The following CDK14 variants were observed in gnomAD, a reference collection of about 807,000 sequenced individuals.
CDK14 encodes cyclin-dependent kinase 14.
A neutral mutation model predicts 60.7 loss-of-function variants in CDK14; 34 were observed. The observed-to-expected ratio is 0.56, with a 90% confidence interval of 0.43 to 0.75. CDK14 has a LOEUF of 0.75. Among genes scored for constraint, CDK14 ranks in the 30% least tolerant of loss-of-function variants. The pLI is 0.00. For missense variants in CDK14, 482 were observed against 564.1 expected, an observed-to-expected ratio of 0.85 and a Z score of 1.47; for synonymous variants, 197 against 203.7, an observed-to-expected ratio of 0.97 and a Z score of 0.28.
At chr7:91,059,729 G>T (rs919669663) in intron 11 of CDK14, among the ~76,000 whole-genome samples, 35 of 146,916 alleles carry the variant, frequency 2.4e-4, no homozygotes, top group African/African-American at 4.6e-4. Flanking sequence ...GTGAGTTTCT[G>T]AATCCTGAGT....
At chr7:90,842,047 TAAC>T (rs1429396723) in intron 5 of CDK14, among the ~76,000 whole-genome samples, 2 of 152,154 alleles carry the variant, frequency 1.3e-5, no homozygotes, top group South Asian at 2.1e-4. Context: ...AACAGAGCAA[TAAC>T]AGCCCCTGCA....
At chr7:91,137,793 A>G (rs1295609795) in intron 14 of CDK14, among the ~76,000 whole-genome samples, 2 of 152,004 alleles carry the variant, frequency 1.3e-5, no homozygotes, top group East Asian at 3.9e-4. Context: ...GTTTTAGAGT[A>G]AGAGTCTTTT....
chr7:90,947,804 A>G (rs1794143576), intron 8 of CDK14, among the ~76,000 whole-genome samples: 1 of 152,192 alleles, frequency 6.6e-6, no homozygotes. Flanking sequence ...TAAAAACTAA[A>G]GAAATTAACA....
intron 14 of CDK14, among the ~76,000 whole-genome samples, chr7:91,166,757 G>A (rs1801358750): frequency 6.6e-6 from 1 of 152,092 alleles, no homozygotes; most frequent in Non-Finnish European, 1.5e-5. Context: ...CAGTTCTTCT[G>A]ACTAGTCCCA....
At position 90,618,226 on chromosome 7, in the gene CDK14, T is replaced by C. The variant is rs548901303; in HGVS notation, c.123+13977T>C. On this transcript the variant is annotated intron_variant, in intron 2 of 14. Transcript: ENST00000380050. Reference sequence around the variant, plus strand: ...TTTTAATATTTACATCTTAGAAAGATGAAGACTTTAGGTGGGTATAGGGAG... The same window carrying C: ...TTTTAATATTTACATCTTAGAAAGACGAAGACTTTAGGTGGGTATAGGGAG... Among the ~76,000 whole-genome samples, 6 of 152,334 alleles carry C rather than the reference T, an allele frequency of 3.9e-5. No homozygotes were observed. The South Asian group carries it at 1.0e-3, about 26-fold the overall frequency.
In CDK14 at chr7:90,878,653, A is replaced by G. The variant is rs181870212; in HGVS notation, c.639+15384A>G. 2.2e-4 allele frequency among the ~76,000 whole-genome samples: 33 copies of G among 152,244 alleles called. No individual in the cohort carries two copies. In the East Asian group the frequency reaches 6.2e-3, roughly 28 times the overall value. On this transcript the variant is annotated intron_variant, in intron 6 of 14. Coordinates refer to ENST00000380050, the MANE Select transcript of CDK14 (RefSeq NM_001287135.2). ...CTTTTAGAGAAGTCACTGACAAAAT[A>G]TGGGTTTTGATTTAAGTATCCAAGT...
intron 2 of CDK14, among the ~76,000 whole-genome samples, chr7:90,638,481 A>G (rs957986518): frequency 7.2e-5 from 11 of 152,122 alleles, no homozygotes; most frequent in Admixed American, 2.0e-4. Context: ...TGGCTTTTAG[A>G]GTTTCTGCCG....
At chr7:91,054,847 C>T (rs1797505483) in intron 11 of CDK14, among the ~76,000 whole-genome samples, 1 of 152,164 alleles carries the variant, frequency 6.6e-6, no homozygotes, top group African/African-American at 2.4e-5. Context: ...AGAAACAATT[C>T]AGGGGGGCAG....
At chr7:90,753,241 A>C (rs1185423620) in intron 4 of CDK14, among the ~76,000 whole-genome samples, 4 of 152,276 alleles carry the variant, frequency 2.6e-5, no homozygotes, top group Middle Eastern at 3.4e-3. Context: ...ATCCTAAACA[A>C]AATACCAGCA....
intron 11 of CDK14, among the ~76,000 whole-genome samples, chr7:91,065,169 G>T (rs1797939619): frequency 6.6e-6 from 1 of 152,192 alleles, no homozygotes; most frequent in Non-Finnish European, 1.5e-5. Flanking sequence ...CCTATAGCCA[G>T]GGCAAGTTCA....
intron 14 of CDK14, among the ~76,000 whole-genome samples, chr7:91,127,017 C>T (rs895623907): frequency 1.1e-4 from 17 of 151,956 alleles, no homozygotes; most frequent in African/African-American, 4.1e-4. Flanking sequence ...GTCATGACTT[C>T]GAGGCAGGGG....
At chr7:90,926,998 G>A (rs1793437176) in intron 8 of CDK14, among the ~76,000 whole-genome samples, 1 of 152,180 alleles carries the variant, frequency 6.6e-6, no homozygotes, top group African/African-American at 2.4e-5. Flanking sequence ...CATAGGGCAA[G>A]GTAGGGAGGA....
chr7:91,188,542 AGATG>A (rs547872828), intron 14 of CDK14, among the ~76,000 whole-genome samples: 1 of 152,150 alleles, frequency 6.6e-6, no homozygotes, highest in East Asian at 1.9e-4. Context: ...GTATATGTGT[AGATG>A]GATGGATGGA....
At chr7:90,838,226 A>G (rs558436993) in intron 5 of CDK14, among the ~76,000 whole-genome samples, 2 of 152,314 alleles carry the variant, frequency 1.3e-5, no homozygotes, top group African/African-American at 4.8e-5. Flanking sequence ...TGAAGATTTC[A>G]TGGACATTTA....
chr7:90,834,705 G>C (rs1382169823), intron 5 of CDK14, among the ~76,000 whole-genome samples: 1 of 152,142 alleles, frequency 6.6e-6, no homozygotes, highest in Non-Finnish European at 1.5e-5. Context: ...TTGATCCAGG[G>C]GATAAGAGGA....
At chr7:91,174,411 C>T (rs2115826504) in intron 14 of CDK14, among the ~76,000 whole-genome samples, 1 of 150,720 alleles carries the variant, frequency 6.6e-6, no homozygotes, top group Middle Eastern at 3.5e-3. Flanking sequence ...TCTCCTCCTC[C>T]AAAGGAACAC....
At chr7:90,729,550 A>G (rs532929194) in intron 3 of CDK14, among the ~76,000 whole-genome samples, 30 of 151,476 alleles carry the variant, frequency 2.0e-4, no homozygotes, top group Admixed American at 7.2e-4. Flanking sequence ...TTTTCAAGCC[A>G]TCAAGTTTCA....
At chr7:90,596,814 G>C in intron 1 of CDK14, 96 bp downstream of exon 1, 1 of 1,032,502 alleles carries the variant, frequency 9.7e-7, no homozygotes, top group Non-Finnish European at 1.5e-6. Context: ...CTGCCAGCGG[G>C]GCTGGCGTGG....
intron 2 of CDK14, chr7:90,716,450 A>G (rs1802252064): frequency 6.6e-6 from 1 of 152,118 alleles, no homozygotes; most frequent in African/African-American, 2.4e-5. Context: ...ATAATTTTGT[A>G]GTAATTGTTT....
Sources: allele counts gnomAD v4.1 joint callset (sites outside exome capture counted in the v4.1 genomes callset), GRCh38; gene constraint gnomAD v4.1.1; transcripts MANE v1.5; gene names NCBI Gene and HGNC (gene_info 2026-07-23, HGNC 2026-07-21).